Variants in THSD7B observed in about 807,000 individuals in gnomAD.
THSD7B encodes the protein thrombospondin type 1 domain containing 7B.
A neutral mutation model predicts 213.6 loss-of-function variants in THSD7B; 138 were observed. That is an observed-to-expected ratio of 0.65 (90% CI 0.56 to 0.74). The LOEUF (loss-of-function observed/expected upper bound fraction) is 0.74, where lower values mean the gene tolerates loss of function less well. THSD7B is among the 30% of genes least tolerant of loss of function. The probability of loss-of-function intolerance (pLI) is 0.00; values close to 1 mark genes in which losing one functional copy is unlikely to be tolerated. For synonymous variants in THSD7B, 742 were observed against 687.0 expected (o/e 1.08, Z -1.25); for missense variants, 1,931 against 1,991.5 (o/e 0.97, Z 0.58).
In THSD7B at chr2:137,660,273, C is replaced by T. The variant is rs1358967818; in HGVS notation, c.4458+527C>T. 2.6e-5 allele frequency among the ~76,000 whole-genome samples: 4 copies of T among 151,956 alleles called. No individual in the cohort carries two copies. The East Asian group carries it at 7.7e-4, about 29-fold the overall frequency. On this transcript the variant is annotated intron_variant, in intron 25 of 27. Transcript: ENST00000409968. The stretch of plus-strand genomic sequence containing the variant: ...TTTGTGCTTTTTCTCCTATAACTCC[C>T]ATCTACCACAACTCAGGAATTAATG...
At chr2:137,563,092 A>G (rs1681156075) in intron 15 of THSD7B, 129 bp from the exon 16 acceptor site, 2 of 969,702 alleles carry the variant, frequency 2.1e-6, no homozygotes, top group Non-Finnish European at 2.9e-6. Context: ...TTTTTGGGAA[A>G]GTAATTTGGC....
At chr2:137,091,253 G>A (rs976659851) in intron 3 of THSD7B, among the ~76,000 whole-genome samples, 3 of 152,158 alleles carry the variant, frequency 2.0e-5, no homozygotes, top group Non-Finnish European at 2.9e-5. Flanking sequence ...ATGTGGGAAG[G>A]ATGAGCAACA....
In THSD7B at chr2:136,983,157, AT is replaced by A. The variant is rs1685613020; in HGVS notation, c.140-73259del. Reference sequence around the variant, plus strand: ...CTTCTTGGTTTATATGTAAATATGAATTTTAAGCAAAATAGTGAAAATAACC... The same window carrying A: ...CTTCTTGGTTTATATGTAAATATGAATTTAAGCAAAATAGTGAAAATAACC... On this transcript the variant is annotated intron_variant, in intron 2 of 27. Transcript: ENST00000409968. 2.0e-5 allele frequency among the ~76,000 whole-genome samples: 3 copies of A among 152,284 alleles called. No individual in the cohort carries two copies. In the South Asian group the frequency reaches 6.2e-4, roughly 32 times the overall value.
chr2:136,971,516 T>C (rs1685402729), intron 2 of THSD7B, among the ~76,000 whole-genome samples: 1 of 151,792 alleles, frequency 6.6e-6, no homozygotes, highest in South Asian at 2.1e-4. Context: ...AAAAAGCATG[T>C]TTTTAATACC....
intron 7 of THSD7B, among the ~76,000 whole-genome samples, chr2:137,195,855 T>C (rs1680749990): frequency 6.6e-6 from 1 of 152,154 alleles, no homozygotes; most frequent in South Asian, 2.1e-4. Flanking sequence ...ATTTACATCA[T>C]CTGAAACTAT....
chr2:137,036,093 GT>G (rs1686769033), intron 2 of THSD7B, among the ~76,000 whole-genome samples: 3 of 152,092 alleles, frequency 2.0e-5, no homozygotes, highest in Admixed American at 1.3e-4. Context: ...GTGATTCAGA[GT>G]TTTTTATATG....
chr2:137,268,268 A>G (rs1246078065), intron 10 of THSD7B, among the ~76,000 whole-genome samples: 2 of 152,114 alleles, frequency 1.3e-5, no homozygotes, highest in East Asian at 1.9e-4. Flanking sequence ...CTGATACTTT[A>G]CATTAGGTAT....
intron 1 of THSD7B, among the ~76,000 whole-genome samples, chr2:136,793,154 C>T (rs985868188): frequency 1.2e-4 from 19 of 152,006 alleles, no homozygotes; most frequent in Admixed American, 1.2e-3. Context: ...TAAGAAACTG[C>T]TGAATTCTTT....
chr2:137,301,417 T>C (rs1391832789), intron 12 of THSD7B, among the ~76,000 whole-genome samples: 3 of 152,094 alleles, frequency 2.0e-5, no homozygotes, highest in Non-Finnish European at 4.4e-5. Flanking sequence ...TTAAACTCTT[T>C]TACCTCCTGT....
At chr2:136,894,572 T>C (rs2105005248) in intron 2 of THSD7B, among the ~76,000 whole-genome samples, 1 of 152,348 alleles carries the variant, frequency 6.6e-6, no homozygotes, top group East Asian at 1.9e-4. Context: ...AAGTTTTCTA[T>C]ACTCAAAGTA....
At chr2:137,012,401 T>A (rs1233278397) in intron 2 of THSD7B, among the ~76,000 whole-genome samples, 2 of 152,238 alleles carry the variant, frequency 1.3e-5, no homozygotes, top group East Asian at 3.8e-4. Context: ...GAGCTTGATC[T>A]GTTTTGGTAA....
At chr2:137,619,518 A>T (rs765359309) in intron 19 of THSD7B, among the ~76,000 whole-genome samples, 4 of 152,210 alleles carry the variant, frequency 2.6e-5, no homozygotes, top group Non-Finnish European at 5.9e-5. Context: ...AGAATGCTGT[A>T]TACCATGATT....
At chr2:136,885,990 G>T (rs902935603) in intron 2 of THSD7B, among the ~76,000 whole-genome samples, 1 of 152,072 alleles carries the variant, frequency 6.6e-6, no homozygotes, top group African/African-American at 2.4e-5. Flanking sequence ...AAGTGAGGGA[G>T]CCAGCTGTAG....
intron 2 of THSD7B, among the ~76,000 whole-genome samples, chr2:137,002,376 T>G (rs770089275): frequency 6.6e-6 from 1 of 152,134 alleles, no homozygotes; most frequent in Non-Finnish European, 1.5e-5. Context: ...TGCCCAAGAT[T>G]ATGAGATCCT....
intron 17 of THSD7B, among the ~76,000 whole-genome samples, chr2:137,591,371 A>G (rs1681861601): frequency 6.6e-6 from 1 of 151,952 alleles, no homozygotes; most frequent in African/African-American, 2.4e-5. Flanking sequence ...TAAATTTCAC[A>G]TGTAGTATTC....
At chr2:136,940,041 C>A (rs1684794728) in intron 2 of THSD7B, among the ~76,000 whole-genome samples, 1 of 152,066 alleles carries the variant, frequency 6.6e-6, no homozygotes, top group Non-Finnish European at 1.5e-5. Flanking sequence ...TGAAACTAAC[C>A]CCCAAATAAG....
intron 4 of THSD7B, among the ~76,000 whole-genome samples, chr2:137,110,597 T>G (rs1192666563): frequency 6.6e-6 from 1 of 152,218 alleles, no homozygotes; most frequent in African/African-American, 2.4e-5. Context: ...ACATTTAGAA[T>G]GAGCAGGGAG....
At chr2:136,979,987 C>T (rs1435027472) in intron 2 of THSD7B, among the ~76,000 whole-genome samples, 1 of 151,836 alleles carries the variant, frequency 6.6e-6, no homozygotes, top group East Asian at 1.9e-4. Flanking sequence ...TGCTGTCTGT[C>T]ATCTAAAATT....
intron 18 of THSD7B, 100 bp from the exon 19 acceptor site, chr2:137,618,292 G>A (rs1341733879): frequency 1.3e-5 from 12 of 893,138 alleles, no homozygotes; most frequent in Non-Finnish European, 1.6e-5. Flanking sequence ...AGGATTATGT[G>A]TGGATTATTC....
Sources: gnomAD v4.1 joint callset for allele counts (sites outside exome capture counted in the v4.1 genomes callset) on GRCh38, gnomAD v4.1.1 for gene constraint, MANE v1.5 for transcripts, NCBI Gene and HGNC (gene_info 2026-07-23, HGNC 2026-07-21) for gene names.